EML6: variants seen among roughly 807,000 people sequenced by gnomAD.
EML6 encodes the protein echinoderm microtubule-associated protein-like 6.
A neutral mutation model predicts 240.1 loss-of-function variants in EML6; 154 were observed. The ratio of observed to expected loss-of-function variants is 0.64; its 90% CI spans 0.56 to 0.73. The LOEUF is 0.73. EML6 is among the 30% of genes least tolerant of loss of function. The pLI, the probability that EML6 is intolerant of heterozygous loss-of-function variation, is 0.00. For missense variants in EML6, 2,964 were observed against 2,474.6 expected (o/e 1.20, Z -4.20); for synonymous variants, 1,148 against 899.0 (o/e 1.28, Z -4.95).
At chr2:54,862,184 C>A (rs191434400) in intron 12 of EML6, among the ~76,000 whole-genome samples, 138 of 151,432 alleles carry the variant, frequency 9.1e-4, no homozygotes, top group African/African-American at 3.1e-3. Context: ...ACTAAAAATA[C>A]AAAAATTAGC....
rs545725400 is a variant in EML6 at position 54,891,298 on chromosome 2, G to T, written c.2539+144G>T. ...CCTAAAAAAATTATCTCCCAAGTTC[G>T]CTTAGAACGCTTGAAGCTTAGAACA... On this transcript the variant is annotated intron_variant, in intron 18 of 41. Transcript: ENST00000356458. The T allele has an allele frequency of 2.6e-5, 13 of 501,432 alleles. No homozygotes were observed. The Admixed American group carries it at 3.7e-4, about 14-fold the overall frequency. The allele number at this position is 501,432 out of a possible 1,614,324, so 31.1% of individuals were successfully genotyped here.
intron 28 of EML6, among the ~76,000 whole-genome samples, chr2:54,930,810 G>A (rs913320555): frequency 1.3e-5 from 2 of 152,116 alleles, no homozygotes; most frequent in African/African-American, 4.8e-5. Context: ...GGTAGGGTCA[G>A]CTAGTAAAGA....
At chr2:54,959,366 A>G (rs777136953) in intron 34 of EML6, 105 bp downstream of exon 34, 21 of 1,138,764 alleles carry the variant, frequency 1.8e-5, no homozygotes, top group African/African-American at 6.2e-5. Flanking sequence ...TCATCCTCCT[A>G]TCTTTTTTGC....
chr2:54,895,815 C>T (rs1672732821), intron 21 of EML6, among the ~76,000 whole-genome samples: 1 of 152,074 alleles, frequency 6.6e-6, no homozygotes, highest in Admixed American at 6.5e-5. Context: ...AGGCCATTTT[C>T]AGCTCCCAGA....
intron 10 of EML6, among the ~76,000 whole-genome samples, chr2:54,851,747 C>T (rs888524528): frequency 1.3e-5 from 2 of 152,016 alleles, no homozygotes; most frequent in Non-Finnish European, 2.9e-5. Flanking sequence ...TTAATGTGTA[C>T]CTAAAAAGTT....
chr2:54,847,346 C>T lies in EML6; in HGVS notation c.1050-140C>T, dbSNP rs1669820065. 11 of 758,928 alleles carry T rather than the reference C, an allele frequency of 1.4e-5. No individual in the cohort carries two copies. In the South Asian group the frequency reaches 2.2e-4, roughly 15 times the overall value. The allele number at this position is 758,928 out of a possible 1,614,324, so 47.0% of individuals were successfully genotyped here. A position where few individuals can be genotyped will look rare whatever the true frequency, so the allele number is the denominator to read the frequency against. On this transcript the variant is annotated intron_variant, in intron 8 of 41. Transcript: ENST00000356458. ...CACCTTTCCACACTCGCTGACAGGC[C>T]ATGATAAAGGGCTCTGGTGTGAAGT...
At chr2:54,752,345 T>G (rs1684214590) in intron 2 of EML6, among the ~76,000 whole-genome samples, 1 of 152,142 alleles carries the variant, frequency 6.6e-6, no homozygotes, top group African/African-American at 2.4e-5. Context: ...GTATAAAAAT[T>G]ATGTGTTTAT....
chr2:54,748,779 G>A (rs1322559234), intron 2 of EML6, among the ~76,000 whole-genome samples: 2 of 151,894 alleles, frequency 1.3e-5, no homozygotes, highest in African/African-American at 4.8e-5. Context: ...CCCAGGCTGG[G>A]CTCAAACTCC....
At chr2:54,818,369 T>C (rs536652156) in intron 4 of EML6, among the ~76,000 whole-genome samples, 6 of 152,298 alleles carry the variant, frequency 3.9e-5, no homozygotes, top group Middle Eastern at 3.4e-3. Flanking sequence ...ACTGAAAATT[T>C]AGGGGTATAC....
intron 2 of EML6, among the ~76,000 whole-genome samples, chr2:54,793,708 A>T (rs1000869858): frequency 6.6e-6 from 1 of 152,132 alleles, no homozygotes. Flanking sequence ...TTTGAGCCAG[A>T]TGTGGCTGGT....
chr2:54,807,989 C>T (rs1206650739), intron 2 of EML6, among the ~76,000 whole-genome samples: 1 of 152,204 alleles, frequency 6.6e-6, no homozygotes, highest in African/African-American at 2.4e-5. Context: ...ATCACATTCT[C>T]ATTAGATGCA....
At chr2:54,914,543 CA>C (rs1275565187) in intron 25 of EML6, among the ~76,000 whole-genome samples, 1 of 99,392 alleles carries the variant, frequency 1.0e-5, no homozygotes, top group African/African-American at 3.9e-5. Flanking sequence ...CCCAAAGTGA[CA>C]GGCTCTTGCT....
chr2:54,948,592 C>T (rs1012592453), intron 28 of EML6, among the ~76,000 whole-genome samples: 9 of 152,228 alleles, frequency 5.9e-5, no homozygotes, highest in Non-Finnish European at 1.2e-4. Flanking sequence ...CCCACATGTT[C>T]TTCCTGCTCC....
chr2:54,858,734 C>A, intron 11 of EML6, among the ~76,000 whole-genome samples: 1 of 152,198 alleles, frequency 6.6e-6, no homozygotes, highest in Non-Finnish European at 1.5e-5. Context: ...CACCTTCTTA[C>A]AAATCATTGC....
chr2:54,876,124 G>T (rs956262023), intron 16 of EML6, among the ~76,000 whole-genome samples: 4 of 152,152 alleles, frequency 2.6e-5, no homozygotes, highest in African/African-American at 4.8e-5. Context: ...TGACTGCAAA[G>T]ATGGGAAAGG....
At chr2:54,853,475 C>A (rs1326643627) in intron 10 of EML6, among the ~76,000 whole-genome samples, 168 bp from the exon 11 acceptor site, 1 of 135,278 alleles carries the variant, frequency 7.4e-6, no homozygotes, top group Non-Finnish European at 1.7e-5. Flanking sequence ...TGAGTGTGGG[C>A]TTTCTTTAAG....
intron 2 of EML6, among the ~76,000 whole-genome samples, chr2:54,754,640 G>A (rs930587971): frequency 1.3e-5 from 2 of 152,096 alleles, no homozygotes; most frequent in Non-Finnish European, 2.9e-5. Context: ...GCTTGCATTT[G>A]TATTCTTTGA....
chr2:54,767,360 G>A, intron 2 of EML6, among the ~76,000 whole-genome samples: 1 of 152,010 alleles, frequency 6.6e-6, no homozygotes, highest in Middle Eastern at 3.4e-3. Context: ...TGATAAAGTA[G>A]AATCTACTAG....
intron 2 of EML6, among the ~76,000 whole-genome samples, chr2:54,802,618 ATACTACTAC>A (rs56119525): frequency 0.025 from 3,492 of 139,924 alleles, 56 homozygotes; most frequent in Non-Finnish European, 0.03. Context: ...ACCCTGTCTC[ATACTACTAC>A]TACTACTACT....
Sources: allele counts gnomAD v4.1 joint callset (sites outside exome capture counted in the v4.1 genomes callset), GRCh38; gene constraint gnomAD v4.1.1; transcripts MANE v1.5; gene names NCBI Gene and HGNC (gene_info 2026-07-23, HGNC 2026-07-21).